DCLK2: variants seen among roughly 807,000 people sequenced by gnomAD.
DCLK2 encodes the protein serine/threonine-protein kinase DCLK2.
A neutral mutation model predicts 78.4 loss-of-function variants in DCLK2; 31 were observed. The ratio of observed to expected loss-of-function variants is 0.40; its 90% CI spans 0.30 to 0.53. The LOEUF is 0.53. DCLK2 is among the 20% of genes least tolerant of loss of function. The pLI is 0.61. For synonymous variants in DCLK2, 407 were observed against 374.9 expected (o/e 1.09, Z -0.99); for missense variants, 872 against 973.7 (o/e 0.90, Z 1.39).
intron 2 of DCLK2, among the ~76,000 whole-genome samples, chr4:150,145,721 G>A (rs1734424540): frequency 6.6e-6 from 1 of 152,142 alleles, no homozygotes; most frequent in Non-Finnish European, 1.5e-5. Flanking sequence ...TGATAGCAAC[G>A]TAACTTAACC....
chr4:150,129,293 A>G (rs1733128419), intron 2 of DCLK2, among the ~76,000 whole-genome samples: 1 of 152,224 alleles, frequency 6.6e-6, no homozygotes, highest in Non-Finnish European at 1.5e-5. Flanking sequence ...TCCAGTATTC[A>G]TAAGACTGGT....
intron 2 of DCLK2, among the ~76,000 whole-genome samples, chr4:150,191,955 T>G (rs943524637): frequency 3.6e-4 from 55 of 152,158 alleles, no homozygotes; most frequent in Admixed American, 8.5e-4. Context: ...TACTAGAGTG[T>G]TGTTTGTTTT....
chr4:150,145,353 C>G (rs57090410), intron 2 of DCLK2, among the ~76,000 whole-genome samples: 56 of 152,188 alleles, frequency 3.7e-4, no homozygotes, highest in African/African-American at 1.3e-3. Context: ...GGATCTTGGG[C>G]TGGTTTTTTA....
chr4:150,233,140 C>T (rs28468660), intron 10 of DCLK2, among the ~76,000 whole-genome samples: 29,036 of 152,132 alleles, frequency 0.19, 2,886 homozygotes, highest in Non-Finnish European at 0.22. Flanking sequence ...CCTCAGGAGA[C>T]TTACAATCAT....
intron 8 of DCLK2, among the ~76,000 whole-genome samples, chr4:150,228,187 C>G (rs1277501945): frequency 6.6e-6 from 1 of 152,256 alleles, no homozygotes; most frequent in Non-Finnish European, 1.5e-5. Flanking sequence ...TATCTCTCCA[C>G]TGCAGAACCC....
intron 2 of DCLK2, among the ~76,000 whole-genome samples, chr4:150,142,376 G>T (rs918242316): frequency 6.6e-6 from 1 of 152,116 alleles, no homozygotes; most frequent in African/African-American, 2.4e-5. Flanking sequence ...GAAGGGTAAT[G>T]GTACATAATG....
chr4:150,154,727 G>A (rs990449270), intron 2 of DCLK2, among the ~76,000 whole-genome samples: 1 of 152,100 alleles, frequency 6.6e-6, no homozygotes, highest in Admixed American at 6.6e-5. Flanking sequence ...TTTTGCCTTT[G>A]TCATGGTAGG....
In DCLK2 at chr4:150,256,419, G is replaced by A; in HGVS notation, c.*172G>A. 2 of 856,912 alleles carry A rather than the reference G, an allele frequency of 2.3e-6. No individual in the cohort carries two copies. The highest frequency in any genetic ancestry group is 3.4e-6 in the Non-Finnish European group (2 of 579,788). The allele number at this position is 856,912 out of a possible 1,614,324, so 53.1% of individuals were successfully genotyped here. On this transcript the variant is annotated 3_prime_UTR_variant, in exon 16 of 16. Coordinates refer to ENST00000296550, the MANE Select transcript of DCLK2 (RefSeq NM_001040260.4). The stretch of plus-strand genomic sequence containing the variant: ...AGCCTGGCGTGCCGGAGCCTGGCCT[G>A]GTGCTCTGGGCTCTGCCTTCTGGTT...
At chr4:150,227,068 A>G (rs991515858) in intron 8 of DCLK2, among the ~76,000 whole-genome samples, 3 of 152,208 alleles carry the variant, frequency 2.0e-5, no homozygotes, top group African/African-American at 7.2e-5. Flanking sequence ...CGCCAGTTTT[A>G]CAGATAAGGA....
Position 150,221,676 on chromosome 4 carries a change from G to A in DCLK2, c.1133-1G>A, listed in dbSNP as rs1394071501. On this transcript the variant is annotated splice_acceptor_variant, in intron 6 of 15. Transcript: ENST00000296550. LOFTEE classifies it high-confidence loss of function. ...AGAATTTGCATTTATCCTTTTTGCA[G>A]GTGTGAATGGAAACAGATGCTCTGA... is the stretch of plus-strand genomic sequence containing the variant. The A allele has an allele frequency of 6.3e-7, 1 of 1,587,668 alleles. No homozygotes were observed. Among genetic ancestry groups the A allele is most frequent in the African/African-American group, 1.4e-5 (1 of 73,490 alleles).
At chr4:150,208,718 G>A (rs1269672500) in intron 5 of DCLK2, among the ~76,000 whole-genome samples, 1 of 152,080 alleles carries the variant, frequency 6.6e-6, no homozygotes, top group African/African-American at 2.4e-5. Flanking sequence ...GAGAGGCTTG[G>A]GGGAAAAGTT....
chr4:150,132,367 A>G (rs1258327579), intron 2 of DCLK2, among the ~76,000 whole-genome samples: 1 of 152,242 alleles, frequency 6.6e-6, no homozygotes, highest in Non-Finnish European at 1.5e-5. Context: ...ACTGTGAATC[A>G]AAGTATGCTG....
At chr4:150,175,892 C>T (rs1737055952) in intron 2 of DCLK2, among the ~76,000 whole-genome samples, 1 of 152,098 alleles carries the variant, frequency 6.6e-6, no homozygotes, top group South Asian at 2.1e-4. Context: ...TAACTCTTGG[C>T]CTATTCTTCT....
chr4:150,190,122 G>T (rs1160346795), intron 2 of DCLK2, among the ~76,000 whole-genome samples: 1 of 150,912 alleles, frequency 6.6e-6, no homozygotes, highest in Non-Finnish European at 1.5e-5. Flanking sequence ...AGCCCAGGAG[G>T]TTGTGGAGGT....
At chr4:150,139,105 T>A (rs1231283200) in intron 2 of DCLK2, among the ~76,000 whole-genome samples, 10 of 152,110 alleles carry the variant, frequency 6.6e-5, no homozygotes, top group Non-Finnish European at 4.4e-5. Context: ...ACTCAAGTGA[T>A]CCTCCTGCCT....
intron 1 of DCLK2, among the ~76,000 whole-genome samples, chr4:150,086,559 T>C (rs1729660361): frequency 6.6e-6 from 1 of 151,156 alleles, no homozygotes; most frequent in Non-Finnish European, 1.5e-5. Context: ...CAGGCTGGAG[T>C]GCAGTGGCGC....
chr4:150,086,106 A>G (rs7692823), intron 1 of DCLK2, among the ~76,000 whole-genome samples: 57,583 of 152,018 alleles, frequency 0.38, 11,149 homozygotes, highest in Non-Finnish European at 0.42. Context: ...GGAAAATTAC[A>G]AACCCAACAG....
chr4:150,235,675 A>G (rs748376835), intron 10 of DCLK2, among the ~76,000 whole-genome samples: 1 of 152,192 alleles, frequency 6.6e-6, no homozygotes, highest in Admixed American at 6.5e-5. Context: ...ACCTAACTAG[A>G]TCACTTGGCA....
rs1560851064 is a variant in DCLK2 at position 150,190,282 on chromosome 4, GATA to G, written c.757-2855_757-2853del. Among the ~76,000 whole-genome samples, 381 of 148,784 alleles carry G rather than the reference GATA, an allele frequency of 2.6e-3. 4 individuals are homozygous for G. The highest frequency in any genetic ancestry group is 9.5e-3 in the African/African-American group (367 of 38,540). Reference sequence around the variant, plus strand: ...AGATAGATAGATAGATAGATAGATAGATAGATAGATAGATAGGCAGACAGACAG... The same window carrying G: ...AGATAGATAGATAGATAGATAGATAGGATAGATAGATAGGCAGACAGACAG... On this transcript the variant is annotated intron_variant, in intron 2 of 15. Coordinates refer to ENST00000296550, the MANE Select transcript of DCLK2 (RefSeq NM_001040260.4).
Sources: gnomAD v4.1 joint callset for allele counts (sites outside exome capture counted in the v4.1 genomes callset) on GRCh38, gnomAD v4.1.1 for gene constraint, MANE v1.5 for transcripts, NCBI Gene and HGNC (gene_info 2026-07-23, HGNC 2026-07-21) for gene names.